Variants in TRIM33 observed in about 807,000 individuals in gnomAD.
TRIM33 encodes the protein tripartite motif containing 33, also known as E3 ubiquitin-protein ligase TRIM33.
Under a neutral mutation model 125.4 loss-of-function variants are expected in TRIM33, and 20 were observed. The ratio of observed to expected loss-of-function variants is 0.16; its 90% confidence interval spans 0.11 to 0.23. The LOEUF (loss-of-function observed/expected upper bound fraction) is 0.23. TRIM33 is among the 10% of genes least tolerant of loss of function. TRIM33 has a pLI of 1.00. For synonymous variants in TRIM33, 564 were observed against 513.9 expected (o/e 1.10, Z -1.32); for missense variants, 920 against 1,411.4 (o/e 0.65, Z 5.58).
intron 10 of TRIM33, among the ~76,000 whole-genome samples, chr1:114,423,553 T>C (rs1008036816): frequency 3.3e-5 from 5 of 151,978 alleles, no homozygotes; most frequent in African/African-American, 4.8e-5. Flanking sequence ...AGCGAGTATA[T>C]ATTTTTTCTT....
chr1:114,406,048 T>A (rs191327576), intron 14 of TRIM33, among the ~76,000 whole-genome samples: 3 of 152,326 alleles, frequency 2.0e-5, no homozygotes, highest in African/African-American at 7.2e-5. Flanking sequence ...GTTATACTTT[T>A]CCTTGAGAGA....
At chr1:114,400,934 T>TA (rs1651833492) in intron 17 of TRIM33, among the ~76,000 whole-genome samples, 1 of 151,984 alleles carries the variant, frequency 6.6e-6, no homozygotes, top group African/African-American at 2.4e-5. Context: ...CCCAATGAGG[T>TA]AAAAAATCGT....
At position 114,402,744 on chromosome 1, in the gene TRIM33, C is replaced by T; in HGVS notation, c.2892+16G>A. ...CTACTGAATCCCAGTGACAAATCAA[C>T]TTATTTGACACTTACCCTTTGGTCC... is the stretch of plus-strand genomic sequence containing the variant. On this transcript the variant is annotated intron_variant, in intron 16 of 19. Transcript: ENST00000358465. The T allele has an allele frequency of 1.2e-6, 2 of 1,607,808 alleles. No homozygotes were observed. The highest frequency in any genetic ancestry group is 1.7e-4 in the Middle Eastern group (1 of 6,022).
intron 11 of TRIM33, among the ~76,000 whole-genome samples, chr1:114,414,987 C>CTTTTTTT (rs1232374980): frequency 4.9e-4 from 53 of 108,206 alleles, no homozygotes; most frequent in South Asian, 9.1e-4. Context: ...GAGGTAGATT[C>CTTTTTTT]TATTTTTTTT....
rs989615235 is a variant in TRIM33 at position 114,397,036 on chromosome 1, G to A, written c.*612C>T. 5 of 219,756 alleles carry A rather than the reference G, an allele frequency of 2.3e-5. No homozygotes were observed. The highest frequency in any genetic ancestry group is 4.6e-5 in the Non-Finnish European group (5 of 109,660). 13.6% of individuals were successfully genotyped at this position (219,756 alleles called of 1,614,324 possible). A position where few individuals can be genotyped will look rare whatever the true frequency, so the allele number is the denominator to read the frequency against. On this transcript the variant is annotated 3_prime_UTR_variant, in exon 20 of 20. Transcript: ENST00000358465. ...GTAGTGTTTCCTAAACCCTAAGTAT[G>A]AGTAGAAAATAAAACCATTGCTGAG... is the stretch of plus-strand genomic sequence containing the variant.
intron 4 of TRIM33, among the ~76,000 whole-genome samples, chr1:114,458,282 T>C (rs1384211707): frequency 1.3e-5 from 2 of 152,210 alleles, no homozygotes. Flanking sequence ...TTTTTATAAT[T>C]GCTTATTGCT....
chr1:114,469,393 A>G (rs1403052362), intron 1 of TRIM33: 1 of 152,302 alleles, frequency 6.6e-6, no homozygotes, highest in Non-Finnish European at 1.5e-5. Flanking sequence ...AAAAGCTGCC[A>G]AGTTCTTTGA....
intron 1 of TRIM33, among the ~76,000 whole-genome samples, chr1:114,471,094 T>C (rs548475950): frequency 9.2e-5 from 14 of 152,352 alleles, no homozygotes; most frequent in African/African-American, 3.4e-4. Flanking sequence ...CCACTGCGCC[T>C]GGCCTGCAAA....
chr1:114,511,073 C>T lies in TRIM33; in HGVS notation c.4G>A (p.Ala2Thr). 7.8e-7 allele frequency: 1 copy of T among 1,276,828 alleles called. No individual in the cohort carries two copies. 79.1% of individuals were successfully genotyped at this position (1,276,828 alleles called of 1,614,324 possible). The change falls in exon 1 of 20, where the codon GCG becomes ACG. Residue 2 changes from alanine to threonine, a missense_variant. Around this residue, in one of 8 missense-constraint regions of TRIM33, gnomAD observed 233 missense variants for 189.6 expected, o/e 1.23. Transcript: ENST00000358465. The stretch of plus-strand genomic sequence containing the variant: ...GCCTCGCCGCCGCCTTTGTTTTCCG[C>T]CATGTTTTCCTCTTTGAACCCGCCG... M[A>T]ENKGGGEAES... is the part of the protein sequence containing the mutation.
rs971036164 is a variant in TRIM33 at position 114,442,699 on chromosome 1, A to G, written c.924-8966T>C. Among the ~76,000 whole-genome samples, 11 of 148,430 alleles carry G rather than the reference A, an allele frequency of 7.4e-5. No homozygotes were observed. The South Asian group carries it at 2.3e-3, about 31-fold the overall frequency. On this transcript the variant is annotated intron_variant, in intron 4 of 19. Transcript: ENST00000358465. ...CAAGACTCTGTCTCAAAAAAAAAAA[A>G]AAAAAGAAAAAAAAAGAAAAAAAAA...
intron 17 of TRIM33, among the ~76,000 whole-genome samples, chr1:114,400,907 TATA>T (rs1376152908): frequency 6.6e-6 from 1 of 152,226 alleles, no homozygotes; most frequent in East Asian, 1.9e-4. Flanking sequence ...GGTTATTTTA[TATA>T]ATCCTCAGAA....
At chr1:114,497,187 C>T (rs1055215939) in intron 1 of TRIM33, among the ~76,000 whole-genome samples, 3 of 152,202 alleles carry the variant, frequency 2.0e-5, no homozygotes, top group African/African-American at 7.2e-5. Flanking sequence ...CAGTATTTGT[C>T]ACAACTACTC....
At position 114,405,631 on chromosome 1, in the gene TRIM33, G is replaced by A. The variant is rs1652183856; in HGVS notation, c.2547C>T (p.Cys849=). Residue 849 remains cysteine (C), a synonymous_variant, in exon 15 of 20, where the codon TGC becomes TGT. Coordinates refer to ENST00000358465, the MANE Select transcript of TRIM33 (RefSeq NM_015906.4). ...CAAGGCTGCTGAGCCCTGACTGTTT[G>A]CAGCTTTCATTCATATCTGCAGGTT... ...KIEPADMNES[C]KQSGLSSLVN... The A allele has an allele frequency of 8.7e-6, 14 of 1,614,166 alleles. No homozygotes were observed. The highest frequency in any genetic ancestry group is 1.2e-5 in the Non-Finnish European group (14 of 1,180,030).
chr1:114,412,105 T>C (rs1652630299), intron 11 of TRIM33, among the ~76,000 whole-genome samples: 1 of 152,206 alleles, frequency 6.6e-6, no homozygotes. Flanking sequence ...AATGTCATTT[T>C]AATCCATCAC....
chr1:114,484,366 T>C (rs904836713), intron 1 of TRIM33, among the ~76,000 whole-genome samples: 9 of 152,216 alleles, frequency 5.9e-5, no homozygotes, highest in Non-Finnish European at 1.2e-4. Flanking sequence ...TAACTAACCA[T>C]CAAGACTCTG....
At position 114,405,687 on chromosome 1, in the gene TRIM33, A is replaced by G. The variant is rs56056367; in HGVS notation, c.2491T>C (p.Leu831=). ...NLHLESELDA[L]ASLENHVKIE... ...TTCACATGGTTTTCCAGGCTTGCCA[A>G]TGCATCCAATTCACTTTCTAGATGC... The change falls in exon 15 of 20, where the codon TTG becomes CTG. Residue 831 remains leucine, a synonymous_variant. Coordinates refer to ENST00000358465, the MANE Select transcript of TRIM33 (RefSeq NM_015906.4). 4.4e-3 allele frequency: 7,096 copies of G among 1,614,170 alleles called. 134 individuals are homozygous for G. In the African/African-American group the frequency reaches 0.05, roughly 11 times the overall value.
At chr1:114,509,103 G>C (rs762966740) in intron 1 of TRIM33, among the ~76,000 whole-genome samples, 9 of 152,020 alleles carry the variant, frequency 5.9e-5, no homozygotes, top group Non-Finnish European at 1.0e-4. Context: ...CTCCAGCCTT[G>C]CCTTCCCTCA....
At chr1:114,428,130 A>G (rs1172609054) in intron 6 of TRIM33, among the ~76,000 whole-genome samples, 1 of 152,218 alleles carries the variant, frequency 6.6e-6, no homozygotes, top group African/African-American at 2.4e-5. Context: ...ATGTTAGTTA[A>G]TGTCACTTTT....
chr1:114,488,254 C>T (rs968694410), intron 1 of TRIM33, among the ~76,000 whole-genome samples: 6 of 152,010 alleles, frequency 3.9e-5, no homozygotes, highest in African/African-American at 1.2e-4. Flanking sequence ...GTAACTCAAA[C>T]GAAGTCAAGA....
Sources: allele counts gnomAD v4.1 joint callset (sites outside exome capture counted in the v4.1 genomes callset), GRCh38; gene constraint gnomAD v4.1.1; regional missense constraint gnomAD v4.1.1; transcripts MANE v1.5; gene names NCBI Gene and HGNC (gene_info 2026-07-23, HGNC 2026-07-21).